The following GRIA1 variants were observed in gnomAD, a reference collection of about 807,000 sequenced individuals.
The protein encoded by GRIA1 is glutamate ionotropic receptor AMPA type subunit 1.
GRIA1 carries 31 observed loss-of-function variants against 99.2 expected under a neutral mutation model. That is an observed-to-expected ratio of 0.31 (90% CI 0.23 to 0.42). The LOEUF is 0.42. Ranked by LOEUF, GRIA1 falls within the 10% of genes least tolerant of loss-of-function variation. The pLI is 1.00. For missense variants in GRIA1, 782 were observed against 1,157.5 expected (o/e 0.68, Z 4.71); for synonymous variants, 438 against 432.4 (o/e 1.01, Z -0.16).
At chr5:153,506,034 G>A (rs1561593276) in intron 2 of GRIA1, among the ~76,000 whole-genome samples, 1 of 152,198 alleles carries the variant, frequency 6.6e-6, no homozygotes, top group Non-Finnish European at 1.5e-5. Context: ...AGGCAGAGGA[G>A]AATGAGGTGC....
At position 153,811,249 on chromosome 5, in the gene GRIA1, G is replaced by A. The variant is rs1407059817; in HGVS notation, c.*24G>A. ...AACTGGAGCAGATGGAGACCCCTTG[G>A]GGAGCAGGCTCGGGCTCCCCAGCCC... On this transcript the variant is annotated 3_prime_UTR_variant, in exon 16 of 16. Transcript: ENST00000285900. 6.3e-7 allele frequency: 1 copy of A among 1,593,250 alleles called. No homozygotes were observed. Among genetic ancestry groups the A allele is most frequent in the African/African-American group, 1.3e-5 (1 of 74,500 alleles).
At chr5:153,669,482 A>G (rs1340783616) in intron 5 of GRIA1, among the ~76,000 whole-genome samples, 1 of 152,192 alleles carries the variant, frequency 6.6e-6, no homozygotes, top group African/African-American at 2.4e-5. Context: ...AGACCATAAC[A>G]AAGCTTCAAC....
chr5:153,496,241 T>C (rs959535236), intron 2 of GRIA1, among the ~76,000 whole-genome samples: 2 of 152,342 alleles, frequency 1.3e-5, no homozygotes, highest in East Asian at 3.9e-4. Context: ...ATACAGACAA[T>C]GTTGTTCATT....
At chr5:153,627,484 C>G (rs536296261) in intron 2 of GRIA1, among the ~76,000 whole-genome samples, 2 of 152,144 alleles carry the variant, frequency 1.3e-5, no homozygotes, top group African/African-American at 2.4e-5. Context: ...AGAAATCTCC[C>G]CTCACTTGAA....
Position 153,795,776 on chromosome 5 carries a change from A to G in GRIA1, c.2385+1041A>G, listed in dbSNP as rs6885981. Among the ~76,000 whole-genome samples the G allele has an allele frequency of 9.5e-3, 1,442 of 152,160 alleles. 14 individuals are homozygous for G. The highest frequency in any genetic ancestry group is 0.033 in the African/African-American group (1,376 of 41,508). ...CAGCACGCCAGTGTTTCCCAACCCC[A>G]TGGAACCTGATCCTACCCCTTCAAA... On this transcript the variant is annotated intron_variant, in intron 14 of 15. Coordinates refer to ENST00000285900, the MANE Select transcript of GRIA1 (RefSeq NM_000827.4).
chr5:153,513,896 G>T (rs1211170058), intron 2 of GRIA1, among the ~76,000 whole-genome samples: 2 of 152,132 alleles, frequency 1.3e-5, no homozygotes, highest in African/African-American at 4.8e-5. Context: ...GTCTTTACAG[G>T]CATGGAATGA....
At chr5:153,741,453 T>A (rs1761781882) in intron 11 of GRIA1, among the ~76,000 whole-genome samples, 1 of 152,186 alleles carries the variant, frequency 6.6e-6, no homozygotes, top group African/African-American at 2.4e-5. Flanking sequence ...ATATTAGCAC[T>A]CTCATATTTA....
At chr5:153,652,569 T>C (rs1754653947) in intron 4 of GRIA1, among the ~76,000 whole-genome samples, 1 of 152,244 alleles carries the variant, frequency 6.6e-6, no homozygotes, top group South Asian at 2.1e-4. Context: ...ATGCAACTTT[T>C]CTGCTTCTGC....
chr5:153,687,256 C>A (rs1757406499), intron 8 of GRIA1, among the ~76,000 whole-genome samples: 1 of 152,194 alleles, frequency 6.6e-6, no homozygotes, highest in Non-Finnish European at 1.5e-5. Flanking sequence ...GGTAGGGTGC[C>A]ATGGATCAGA....
chr5:153,746,320 A>AAAT (rs1762155454), intron 11 of GRIA1, among the ~76,000 whole-genome samples: 1 of 151,770 alleles, frequency 6.6e-6, no homozygotes, highest in Non-Finnish European at 1.5e-5. Flanking sequence ...TAGGGTGAAA[A>AAAT]AATACCTGGC....
At chr5:153,726,193 G>A (rs1435551435) in intron 11 of GRIA1, among the ~76,000 whole-genome samples, 6 of 151,184 alleles carry the variant, frequency 4.0e-5, no homozygotes, top group South Asian at 2.1e-4. Flanking sequence ...TGAAACCAAC[G>A]AGAACAAAGA....
At position 153,563,161 on chromosome 5, in the gene GRIA1, C is replaced by T. The variant is rs369749217; in HGVS notation, c.220+69096C>T. Among the ~76,000 whole-genome samples, 170 of 146,856 alleles carry T rather than the reference C, an allele frequency of 1.2e-3. 2 individuals carry two copies. Among genetic ancestry groups the T allele is most frequent in the African/African-American group, 4.2e-3 (165 of 39,574 alleles). On this transcript the variant is annotated intron_variant, in intron 2 of 15. Coordinates refer to ENST00000285900, the MANE Select transcript of GRIA1 (RefSeq NM_000827.4). Reference sequence around the variant, plus strand: ...ACTGCACCCCAGATTGGCGACAGAGCGAGACTCTGTCTCAAAAAAAAAAAA... The same window carrying T: ...ACTGCACCCCAGATTGGCGACAGAGTGAGACTCTGTCTCAAAAAAAAAAAA...
chr5:153,716,907 C>T (rs548065282), intron 11 of GRIA1, among the ~76,000 whole-genome samples: 41 of 152,266 alleles, frequency 2.7e-4, no homozygotes, highest in East Asian at 7.7e-4. Context: ...AAGATGTGTG[C>T]GTAAGGACAT....
intron 14 of GRIA1, among the ~76,000 whole-genome samples, chr5:153,797,646 T>C (rs963213498): frequency 1.3e-5 from 2 of 152,216 alleles, no homozygotes; most frequent in Non-Finnish European, 2.9e-5. Context: ...AGCCAGTCCT[T>C]GGGTTCCCCT....
At chr5:153,664,666 T>C (rs1373324161) in intron 5 of GRIA1, among the ~76,000 whole-genome samples, 1 of 152,180 alleles carries the variant, frequency 6.6e-6, no homozygotes, top group Non-Finnish European at 1.5e-5. Flanking sequence ...ACCACACCTG[T>C]CTTCTTCTCT....
rs566929703 is a variant in GRIA1, at chr5:153,792,959, C to G, written c.2271-1662C>G. On this transcript the variant is annotated intron_variant, in intron 13 of 15. Coordinates refer to ENST00000285900, the MANE Select transcript of GRIA1 (RefSeq NM_000827.4). ...TAAATATGAACTCCTTTTCAGACAGCAAACCAGCATTTGGAGTCTCTCTCC... is the reference window on the plus strand; with the variant it reads ...TAAATATGAACTCCTTTTCAGACAGGAAACCAGCATTTGGAGTCTCTCTCC... Among the ~76,000 whole-genome samples, 4 of 152,294 alleles carry G rather than the reference C, an allele frequency of 2.6e-5. No homozygotes were observed. The East Asian group carries it at 7.7e-4, about 29-fold the overall frequency.
chr5:153,724,312 A>G (rs1461429305), intron 11 of GRIA1, among the ~76,000 whole-genome samples: 1 of 152,032 alleles, frequency 6.6e-6, no homozygotes, highest in Non-Finnish European at 1.5e-5. Context: ...CAGAGCAGAA[A>G]AACTGGAAAC....
chr5:153,654,871 T>C (rs1161880491), intron 4 of GRIA1, among the ~76,000 whole-genome samples: 1 of 152,152 alleles, frequency 6.6e-6, no homozygotes, highest in Non-Finnish European at 1.5e-5. Flanking sequence ...CTGAGCTAGA[T>C]CTAAAACCAA....
intron 2 of GRIA1, among the ~76,000 whole-genome samples, chr5:153,605,219 T>C (rs1398341635): frequency 1.3e-5 from 2 of 151,980 alleles, no homozygotes; most frequent in African/African-American, 4.8e-5. Context: ...CTATTAACAC[T>C]TAAAAAGGCA....
Sources: allele counts gnomAD v4.1 joint callset (sites outside exome capture counted in the v4.1 genomes callset), GRCh38; gene constraint gnomAD v4.1.1; transcripts MANE v1.5; gene names NCBI Gene and HGNC (gene_info 2026-07-23, HGNC 2026-07-21).